PDZRN3: variants seen among roughly 807,000 people sequenced by gnomAD.
PDZRN3 encodes E3 ubiquitin-protein ligase PDZRN3.
Under a neutral mutation model 85.7 loss-of-function variants are expected in PDZRN3, and 38 were observed. That is an observed-to-expected ratio of 0.44 (90% CI 0.34 to 0.58). The LOEUF is 0.58. Ranked by LOEUF, PDZRN3 falls within the 20% of genes least tolerant of loss-of-function variation. The probability of loss-of-function intolerance (pLI) is 0.01; values close to 1 mark genes in which losing one functional copy is unlikely to be tolerated. For synonymous variants in PDZRN3, 759 were observed against 638.0 expected, an observed-to-expected ratio of 1.19 and a Z score of -2.86; for missense variants, 1,629 against 1,506.4, an observed-to-expected ratio of 1.08 and a Z score of -1.35.
intron 3 of PDZRN3, among the ~76,000 whole-genome samples, chr3:73,600,337 A>ACACTCTCTCTCTCTCT (rs34405662): frequency 4.3e-4 from 43 of 100,072 alleles, no homozygotes; most frequent in African/African-American, 1.1e-3. Flanking sequence ...ACACACACAC[A>ACACTCTCTCTCTCTCT]CTCTCTCTCT....
chr3:73,511,795 G>C (rs901705298), intron 3 of PDZRN3, among the ~76,000 whole-genome samples: 10 of 152,234 alleles, frequency 6.6e-5, no homozygotes, highest in African/African-American at 2.2e-4. Flanking sequence ...TTTAAAAGGA[G>C]CCCTTGGAAG....
At chr3:73,429,676 T>C (rs1447601334) in intron 3 of PDZRN3, among the ~76,000 whole-genome samples, 1 of 152,170 alleles carries the variant, frequency 6.6e-6, no homozygotes, top group East Asian at 1.9e-4. Context: ...TCACAGTTAG[T>C]GGTAAAGTTT....
chr3:73,445,311 C>G (rs1702725260), intron 3 of PDZRN3, among the ~76,000 whole-genome samples: 1 of 152,006 alleles, frequency 6.6e-6, no homozygotes, highest in East Asian at 1.9e-4. Flanking sequence ...CTTGGGTGTT[C>G]GTGTCTGAAA....
intron 3 of PDZRN3, among the ~76,000 whole-genome samples, chr3:73,529,269 C>A (rs1338149769): frequency 6.6e-6 from 1 of 152,106 alleles, no homozygotes; most frequent in East Asian, 1.9e-4. Flanking sequence ...GGGAAAGAGA[C>A]CGTGCAAGTG....
At chr3:73,393,180 A>T (rs1258316248) in intron 5 of PDZRN3, among the ~76,000 whole-genome samples, 1 of 152,160 alleles carries the variant, frequency 6.6e-6, no homozygotes, top group African/African-American at 2.4e-5. Context: ...GTCCACGTGC[A>T]ACCCAAGCAG....
intron 3 of PDZRN3, among the ~76,000 whole-genome samples, chr3:73,495,389 G>T (rs1703848358): frequency 6.6e-6 from 1 of 152,008 alleles, no homozygotes; most frequent in African/African-American, 2.4e-5. Context: ...TCTACCTGGG[G>T]TATGCCCTCA....
rs1161089197 is a variant in PDZRN3 at position 73,624,668 on chromosome 3, G to A, written c.158C>T (p.Pro53Leu). Residue 53 changes from proline (P) to leucine (L), a missense_variant, in exon 1 of 10, where the codon CCG (proline) becomes CTG (leucine). Coordinates refer to ENST00000263666, the MANE Select transcript of PDZRN3 (RefSeq NM_015009.3). ...LPWVVQEGSC[P>L]ARCRGRLSAK... is the part of the protein sequence containing the mutation. ...CGACAGGCGACCGCGGCAGCGCGCC[G>A]GGCAGCTGCCCTCCTGCACCACCCA... The A allele has an allele frequency of 5.9e-6, 9 of 1,524,746 alleles. No homozygotes were observed. The highest frequency in any genetic ancestry group is 4.1e-5 in the Admixed American group (2 of 48,320). 94.5% of individuals were successfully genotyped at this position (1,524,746 alleles called of 1,614,324 possible).
intron 3 of PDZRN3, among the ~76,000 whole-genome samples, chr3:73,429,194 G>T (rs2106795518): frequency 6.6e-6 from 1 of 152,286 alleles, no homozygotes; most frequent in South Asian, 2.1e-4. Flanking sequence ...TATAGGGCAT[G>T]AGCTTCCATG....
intron 3 of PDZRN3, among the ~76,000 whole-genome samples, chr3:73,464,277 G>T (rs1264991037): frequency 6.6e-6 from 1 of 152,174 alleles, no homozygotes; most frequent in Non-Finnish European, 1.5e-5. Context: ...GAGCCATGGT[G>T]CCTGGCCCTG....
intron 3 of PDZRN3, among the ~76,000 whole-genome samples, chr3:73,584,454 T>C (rs7632633): frequency 2.3e-4 from 2 of 8,686 alleles, no homozygotes; most frequent in Non-Finnish European, 3.7e-4. Context: ...CATTTAATGG[T>C]GTGTGTGTGT....
intron 3 of PDZRN3, among the ~76,000 whole-genome samples, chr3:73,521,903 T>G (rs1704376497): frequency 6.6e-6 from 1 of 152,156 alleles, no homozygotes; most frequent in Non-Finnish European, 1.5e-5. Flanking sequence ...CTCTCTGTTT[T>G]GTCAAAGTTC....
At chr3:73,395,820 T>G (rs1701623712) in intron 5 of PDZRN3, among the ~76,000 whole-genome samples, 1 of 152,206 alleles carries the variant, frequency 6.6e-6, no homozygotes, top group Admixed American at 6.5e-5. Flanking sequence ...ATTTCCTGGG[T>G]GCCTACTATA....
intron 3 of PDZRN3, among the ~76,000 whole-genome samples, chr3:73,425,017 ATT>A (rs201821381): frequency 4.2e-5 from 6 of 143,352 alleles, no homozygotes; most frequent in Non-Finnish European, 3.0e-5. Context: ...ATCCATCAGT[ATT>A]TTTTTTTTTT....
chr3:73,567,075 T>C (rs1325229475), intron 3 of PDZRN3, among the ~76,000 whole-genome samples: 1 of 152,002 alleles, frequency 6.6e-6, no homozygotes. Context: ...AGTGGAAAAA[T>C]ATAAGAGAAA....
In PDZRN3 at chr3:73,502,091, C is replaced by G. The variant is rs111853563; in HGVS notation, c.919-97696G>C. ...ATGAAGCTCCTTGAATTGCTGCTAG[C>G]TTGTAGACCAAATGCAACCGTTTTC... On this transcript the variant is annotated intron_variant, in intron 3 of 9. Transcript: ENST00000263666. Among the ~76,000 whole-genome samples, 942 of 152,252 alleles carry G rather than the reference C, an allele frequency of 6.2e-3. 11 individuals are homozygous for G. The highest frequency in any genetic ancestry group is 0.021 in the African/African-American group (891 of 41,534).
intron 3 of PDZRN3, among the ~76,000 whole-genome samples, chr3:73,510,253 G>A (rs1028675180): frequency 2.0e-5 from 3 of 152,266 alleles, no homozygotes; most frequent in African/African-American, 7.2e-5. Flanking sequence ...AAGCACGACC[G>A]TAATAAATAT....
intron 3 of PDZRN3, among the ~76,000 whole-genome samples, chr3:73,441,411 C>CAAA (rs10656791): frequency 0.18 from 11,932 of 64,662 alleles, 709 homozygotes; most frequent in African/African-American, 0.35. Context: ...GACTCTGTCC[C>CAAA]AAAAAAAAAA....
chr3:73,527,945 G>A (rs1704563149), intron 3 of PDZRN3, among the ~76,000 whole-genome samples: 1 of 152,222 alleles, frequency 6.6e-6, no homozygotes. Flanking sequence ...ATGAGCAGAT[G>A]TTCATTGGCT....
chr3:73,504,349 ATAGATTTGTTTTTACT>A (rs1704034420), intron 3 of PDZRN3, among the ~76,000 whole-genome samples: 1 of 152,228 alleles, frequency 6.6e-6, no homozygotes, highest in Admixed American at 6.5e-5. Context: ...TTCAGGAAGA[ATAGATTTGTTTTTACT>A]CAGCCCTTCT....
Sources: gnomAD v4.1 joint callset for allele counts (sites outside exome capture counted in the v4.1 genomes callset) on GRCh38, gnomAD v4.1.1 for gene constraint, MANE v1.5 for transcripts, NCBI Gene and HGNC (gene_info 2026-07-23, HGNC 2026-07-21) for gene names.